GRAMD2B: variants seen among roughly 807,000 people sequenced by gnomAD.
GRAMD2B encodes GRAM domain-containing protein 2B.
Under a neutral mutation model 59.2 loss-of-function variants are expected in GRAMD2B, and 41 were observed. That is an observed-to-expected ratio of 0.69 (90% CI 0.54 to 0.90). The LOEUF (loss-of-function observed/expected upper bound fraction) is 0.90. GRAMD2B is among the 40% of genes least tolerant of loss of function. The pLI is 0.00. For missense variants in GRAMD2B, 424 were observed against 500.5 expected (o/e 0.85, Z 1.46); for synonymous variants, 161 against 182.7 (o/e 0.88, Z 0.96).
rs1405603611 is a variant in GRAMD2B, at chr5:126,488,833, C to G, written c.1198C>G (p.Gln400Glu). The G allele has an allele frequency of 1.2e-6, 2 of 1,613,680 alleles. No homozygotes were observed. The highest frequency in any genetic ancestry group is 2.7e-5 in the African/African-American group (2 of 74,886). Residue 400 changes from glutamine (Q) to glutamate (E), a missense_variant, in exon 13 of 14, where the codon CAA (glutamine) becomes GAA (glutamate). Gln to Glu is a conservative substitution (Grantham distance 29). Transcript: ENST00000285689. ...AAPSGLRSQV[Q>E]FNVEVLCQEL... The stretch of plus-strand genomic sequence containing the variant: ...ACCATCTGGCCTGAGGTCACAAGTA[C>G]AATTCAATGTGGAGGTTCTCTGTCA...
chr5:126,364,673 A>G (rs1047270388), intron 1 of GRAMD2B, among the ~76,000 whole-genome samples: 1 of 152,242 alleles, frequency 6.6e-6, no homozygotes, highest in African/African-American at 2.4e-5. Context: ...CAAGTGACCT[A>G]TCCCCACTAG....
chr5:126,448,611 G>A (rs1032084514), intron 1 of GRAMD2B, among the ~76,000 whole-genome samples: 1 of 152,100 alleles, frequency 6.6e-6, no homozygotes, highest in Non-Finnish European at 1.5e-5. Flanking sequence ...ACTCAAATGA[G>A]GTAGGGAGGT....
At chr5:126,423,171 A>C, upstream of GRAMD2B, 1 of 998,410 alleles carries the variant, frequency 1.0e-6, no homozygotes, top group Non-Finnish European at 1.2e-6. Flanking sequence ...CCCTCTAAAA[A>C]TCCCCCTGTT....
chr5:126,456,797 A>G (rs1766353232), intron 1 of GRAMD2B, among the ~76,000 whole-genome samples: 1 of 152,152 alleles, frequency 6.6e-6, no homozygotes, highest in Non-Finnish European at 1.5e-5. Context: ...TTTTTAGGGT[A>G]AGAAATTAGT....
At chr5:126,371,787 A>C (rs1012416172) in intron 1 of GRAMD2B, among the ~76,000 whole-genome samples, 1 of 152,204 alleles carries the variant, frequency 6.6e-6, no homozygotes, top group Non-Finnish European at 1.5e-5. Context: ...CTATGAAGGA[A>C]AAATAATTTT....
At chr5:126,482,766 T>C (rs1339591166) in intron 8 of GRAMD2B, among the ~76,000 whole-genome samples, 2 of 152,236 alleles carry the variant, frequency 1.3e-5, no homozygotes, top group Non-Finnish European at 1.5e-5. Context: ...CTGACTAAAT[T>C]GTTAAAAGCT....
intron 1 of GRAMD2B, among the ~76,000 whole-genome samples, chr5:126,406,516 AC>A (rs1758279082): frequency 6.6e-6 from 1 of 151,820 alleles, no homozygotes; most frequent in Admixed American, 6.6e-5. Flanking sequence ...AAAGTCCTCT[AC>A]CCCCTTCTCA....
chr5:126,360,402 C>T (rs1337969569), exon 1 of GRAMD2B: 25 of 1,551,174 alleles, frequency 1.6e-5, no homozygotes, highest in Non-Finnish European at 2.2e-5. Context: ...CAGCTTATGC[C>T]CTGGAAGAGT....
At chr5:126,423,214 A>T, upstream of GRAMD2B, 1 of 1,022,210 alleles carries the variant, frequency 9.8e-7, no homozygotes, top group Non-Finnish European at 1.2e-6. Flanking sequence ...AGCTTAATTT[A>T]CCAGGAGGCT....
At chr5:126,440,246 G>C (rs1229792394) in intron 1 of GRAMD2B, among the ~76,000 whole-genome samples, 1 of 152,128 alleles carries the variant, frequency 6.6e-6, no homozygotes, top group African/African-American at 2.4e-5. Context: ...AATAAATGGA[G>C]TTTACCTTCC....
At chr5:126,428,090 A>G (rs79948805) in intron 1 of GRAMD2B, among the ~76,000 whole-genome samples, 1 of 152,062 alleles carries the variant, frequency 6.6e-6, no homozygotes, top group Non-Finnish European at 1.5e-5. Context: ...AAAATTAACC[A>G]GGCGTGATGG....
intron 1 of GRAMD2B, chr5:126,462,397 C>T: frequency 3.0e-6 from 3 of 985,146 alleles, no homozygotes; most frequent in Non-Finnish European, 3.6e-6. Context: ...GCCTCTGCTG[C>T]TTGAATTCTA....
chr5:126,421,394 C>T (rs769070667), upstream of GRAMD2B, among the ~76,000 whole-genome samples: 5 of 152,162 alleles, frequency 3.3e-5, no homozygotes, highest in Non-Finnish European at 7.3e-5. Flanking sequence ...CTGTTCCAAA[C>T]CTATCCCTAT....
At chr5:126,372,686 T>C (rs1179517951) in intron 1 of GRAMD2B, among the ~76,000 whole-genome samples, 2 of 152,144 alleles carry the variant, frequency 1.3e-5, no homozygotes, top group East Asian at 3.8e-4. Context: ...GTATTAGTAG[T>C]TGAGCAAGGG....
At chr5:126,405,379 A>G (rs946612233) in intron 1 of GRAMD2B, among the ~76,000 whole-genome samples, 1 of 152,028 alleles carries the variant, frequency 6.6e-6, no homozygotes, top group Non-Finnish European at 1.5e-5. Context: ...CAACACAACT[A>G]AATTATCAGT....
intron 1 of GRAMD2B, among the ~76,000 whole-genome samples, chr5:126,453,086 C>G (rs1255135251): frequency 6.6e-6 from 1 of 152,006 alleles, no homozygotes; most frequent in Non-Finnish European, 1.5e-5. Context: ...CAAAAAGGAA[C>G]GAAGATATGA....
intron 1 of GRAMD2B, among the ~76,000 whole-genome samples, chr5:126,447,653 G>A (rs1360780856): frequency 1.4e-5 from 2 of 139,268 alleles, no homozygotes; most frequent in African/African-American, 5.7e-5. Flanking sequence ...GACAGAGCAA[G>A]ACTCCGTCTC....
chr5:126,476,377 G>A lies in GRAMD2B; in HGVS notation c.487-1315G>A, dbSNP rs1770630822. On this transcript the variant is annotated intron_variant, in intron 5 of 13. Coordinates refer to ENST00000285689, the MANE Select transcript of GRAMD2B (RefSeq NM_023927.4). ...TTTCAAGAAGTAGATGTTCAAGTGA[G>A]TGTGAGTTCCTAGGGAAGGGGGAAG... Among the ~76,000 whole-genome samples, 3 of 152,348 alleles carry A rather than the reference G, an allele frequency of 2.0e-5. No homozygotes were observed. In the South Asian group the frequency reaches 6.2e-4, roughly 32 times the overall value.
chr5:126,402,084 T>C (rs1234331694), intron 1 of GRAMD2B, among the ~76,000 whole-genome samples: 3 of 152,030 alleles, frequency 2.0e-5, no homozygotes, highest in African/African-American at 7.2e-5. Context: ...AAAGCCTAGG[T>C]AGGGAGGCCC....
Sources: allele counts gnomAD v4.1 joint callset (sites outside exome capture counted in the v4.1 genomes callset), GRCh38; gene constraint gnomAD v4.1.1; transcripts MANE v1.5; gene names NCBI Gene and HGNC (gene_info 2026-07-23, HGNC 2026-07-21).